Variants in OLFM3 observed in about 807,000 individuals in gnomAD.
OLFM3 encodes olfactomedin 3.
OLFM3 carries 20 observed loss-of-function variants against 48.6 expected under a neutral mutation model. The ratio of observed to expected loss-of-function variants is 0.41; its 90% CI spans 0.29 to 0.60. The LOEUF is 0.60. Among genes scored for constraint, OLFM3 ranks in the 20% least tolerant of loss-of-function variants. The pLI is 0.28. For synonymous variants in OLFM3, 222 were observed against 198.1 expected (o/e 1.12, Z -1.01); for missense variants, 437 against 544.3 (o/e 0.80, Z 1.96).
intron 1 of OLFM3, among the ~76,000 whole-genome samples, chr1:101,935,399 C>T (rs1403781697): frequency 6.6e-6 from 1 of 151,290 alleles, no homozygotes; most frequent in Non-Finnish European, 1.5e-5. Context: ...TTTAAGGAAA[C>T]ATACAATCTC....
At chr1:101,926,431 TA>T (rs1166195440) in intron 1 of OLFM3, among the ~76,000 whole-genome samples, 1 of 152,192 alleles carries the variant, frequency 6.6e-6, no homozygotes, top group Non-Finnish European at 1.5e-5. Flanking sequence ...AAGCCTTTGA[TA>T]GATCAATGGA....
chr1:101,831,988 C>T (rs570331955), intron 2 of OLFM3, among the ~76,000 whole-genome samples: 15 of 152,098 alleles, frequency 9.9e-5, no homozygotes, highest in South Asian at 4.1e-4. Context: ...CCACAACCTC[C>T]GCCTCCTGGG....
At chr1:101,989,064 G>C (rs992928570) in intron 1 of OLFM3, among the ~76,000 whole-genome samples, 11 of 151,974 alleles carry the variant, frequency 7.2e-5, no homozygotes, top group African/African-American at 2.7e-4. Context: ...TCCACTCTTG[G>C]GGTGCAAGGA....
intron 1 of OLFM3, among the ~76,000 whole-genome samples, chr1:101,991,038 T>TATATAC (rs1553186131): frequency 3.3e-4 from 37 of 112,492 alleles, no homozygotes; most frequent in South Asian, 6.0e-4. Flanking sequence ...TATATATATA[T>TATATAC]ATACTTCGTG....
intron 1 of OLFM3, among the ~76,000 whole-genome samples, chr1:101,852,330 C>T (rs530980535): frequency 7.0e-4 from 106 of 152,178 alleles, no homozygotes; most frequent in African/African-American, 2.5e-3. Context: ...TACCAGTTAC[C>T]CCTAGATTGC....
chr1:101,957,116 C>T (rs922348908), intron 1 of OLFM3, among the ~76,000 whole-genome samples: 1 of 151,950 alleles, frequency 6.6e-6, no homozygotes, highest in African/African-American at 2.4e-5. Flanking sequence ...CACAAGACCT[C>T]TCTTGGTATT....
intron 1 of OLFM3, among the ~76,000 whole-genome samples, chr1:101,902,506 G>A (rs1327799406): frequency 6.6e-6 from 1 of 151,844 alleles, no homozygotes; most frequent in Non-Finnish European, 1.5e-5. Flanking sequence ...CATTAAAGAT[G>A]GAAATGAAAC....
intron 1 of OLFM3, among the ~76,000 whole-genome samples, chr1:101,886,878 G>A (rs565584813): frequency 1.2e-4 from 19 of 152,122 alleles, no homozygotes; most frequent in African/African-American, 4.3e-4. Flanking sequence ...TTTATTAAAA[G>A]TCATCTCCTA....
At chr1:101,937,298 A>G (rs1659652414) in intron 1 of OLFM3, among the ~76,000 whole-genome samples, 1 of 152,096 alleles carries the variant, frequency 6.6e-6, no homozygotes. Context: ...CTGAAGTGAC[A>G]TTTTTGCTGT....
At chr1:101,961,667 A>G (rs1420430270) in intron 1 of OLFM3, among the ~76,000 whole-genome samples, 1 of 152,172 alleles carries the variant, frequency 6.6e-6, no homozygotes, top group Non-Finnish European at 1.5e-5. Flanking sequence ...TTTACTGCAG[A>G]CAGCGAGGAG....
chr1:101,938,374 G>A (rs1659686460), intron 1 of OLFM3, among the ~76,000 whole-genome samples: 1 of 152,102 alleles, frequency 6.6e-6, no homozygotes, highest in Non-Finnish European at 1.5e-5. Flanking sequence ...GTGAATCTTT[G>A]GGGGATACTC....
At chr1:101,932,558 C>T (rs757495405) in intron 1 of OLFM3, among the ~76,000 whole-genome samples, 4 of 152,160 alleles carry the variant, frequency 2.6e-5, no homozygotes, top group Non-Finnish European at 5.9e-5. Context: ...GAGAAACAAA[C>T]CCAGTCAACT....
chr1:101,949,670 C>T lies in OLFM3; in HGVS notation c.69+47078G>A, dbSNP rs112301201. 1.6e-3 allele frequency among the ~76,000 whole-genome samples: 247 copies of T among 152,278 alleles called. 1 individual carries two copies. The highest frequency in any genetic ancestry group is 5.7e-3 in the African/African-American group (235 of 41,554). On this transcript the variant is annotated intron_variant, in intron 1 of 5. Transcript: ENST00000370103. ...ATACGGCCTGGCGCGGTGGCTCACG[C>T]CTGTAATCCTAGCACTTTGGGAGGC...
At chr1:101,925,473 G>A (rs1244065693) in intron 1 of OLFM3, among the ~76,000 whole-genome samples, 1 of 151,738 alleles carries the variant, frequency 6.6e-6, no homozygotes, top group Non-Finnish European at 1.5e-5. Flanking sequence ...AATTGTGTAT[G>A]TGAGTGTGTG....
At chr1:101,962,258 A>G (rs1660489335) in intron 1 of OLFM3, among the ~76,000 whole-genome samples, 1 of 152,226 alleles carries the variant, frequency 6.6e-6, no homozygotes, top group East Asian at 1.9e-4. Flanking sequence ...TGTTGCCTGA[A>G]TATTATACAT....
chr1:101,836,882 T>C lies in OLFM3; in HGVS notation c.213A>G (p.Glu71=), dbSNP rs1214042912. ...ATAGGGGACACAGGACACCTACCTTTTCCAGTAGTTGGCGAAGTTGCCTGC... is the reference window on the plus strand; with the variant it reads ...ATAGGGGACACAGGACACCTACCTTCTCCAGTAGTTGGCGAAGTTGCCTGC... ...AKSRQLRQLL[E]KVQNMSQSIE... The change falls in exon 2 of 6, where the codon GAA becomes GAG. Residue 71 remains glutamate (E), a synonymous_variant. Transcript: ENST00000370103. The C allele has an allele frequency of 1.2e-6, 2 of 1,614,018 alleles. No homozygotes were observed. Among genetic ancestry groups the C allele is most frequent in the Admixed American group, 1.7e-5 (1 of 60,000 alleles).
At chr1:101,935,823 C>A (rs1410461784) in intron 1 of OLFM3, among the ~76,000 whole-genome samples, 1 of 152,024 alleles carries the variant, frequency 6.6e-6, no homozygotes, top group African/African-American at 2.4e-5. Flanking sequence ...TAAACATACA[C>A]AAATCCATAA....
intron 1 of OLFM3, among the ~76,000 whole-genome samples, chr1:101,904,768 C>T (rs756558727): frequency 3.3e-5 from 5 of 152,206 alleles, no homozygotes; most frequent in Non-Finnish European, 5.9e-5. Flanking sequence ...CTGAGAATAA[C>T]TCTTACAATT....
intron 1 of OLFM3, among the ~76,000 whole-genome samples, chr1:101,925,765 A>G (rs967648901): frequency 6.6e-6 from 1 of 151,864 alleles, no homozygotes; most frequent in Non-Finnish European, 1.5e-5. Context: ...CCTCGGTTCA[A>G]GGCATCCTCC....
Sources: gnomAD v4.1 joint callset for allele counts (sites outside exome capture counted in the v4.1 genomes callset) on GRCh38, gnomAD v4.1.1 for gene constraint, MANE v1.5 for transcripts, NCBI Gene and HGNC (gene_info 2026-07-23, HGNC 2026-07-21) for gene names.